Variants in ECD observed in about 807,000 individuals in gnomAD.
ECD encodes protein ecdysoneless homolog.
A neutral mutation model predicts 77.2 loss-of-function variants in ECD; 59 were observed. The observed-to-expected ratio is 0.76, with a 90% CI of 0.62 to 0.95. The LOEUF (loss-of-function observed/expected upper bound fraction) is 0.95. Ranked by LOEUF, ECD falls within the 40% of genes least tolerant of loss-of-function variation. The probability of loss-of-function intolerance (pLI) is 0.00; values close to 1 mark genes in which losing one functional copy is unlikely to be tolerated. For synonymous variants in ECD, 233 were observed against 267.4 expected (o/e 0.87, Z 1.26); for missense variants, 704 against 763.4 (o/e 0.92, Z 0.92).
At chr10:73,141,618 T>C (rs947719723) in intron 9 of ECD, 4 of 152,432 alleles carry the variant, frequency 2.6e-5, no homozygotes, top group African/African-American at 7.2e-5. Context: ...TTTTAACATC[T>C]CTGCTTCAAC....
chr10:73,156,129 A>G lies in ECD; in HGVS notation c.590+146T>C, dbSNP rs574851814. On this transcript the variant is annotated intron_variant, in intron 5 of 13. Transcript: ENST00000372979. The stretch of plus-strand genomic sequence containing the variant: ...GAAGACAAAATGAAAATTAGCATTA[A>G]TCTAGGTGAAAGGTATTTTATAGTC... 8.9e-6 allele frequency: 5 copies of G among 559,302 alleles called. No individual in the cohort carries two copies. In the South Asian group the frequency reaches 2.4e-4, roughly 26 times the overall value. The allele number at this position is 559,302 out of a possible 1,614,324, so 34.6% of individuals were successfully genotyped here.
chr10:73,147,562 A>T (rs1280596980), intron 8 of ECD, among the ~76,000 whole-genome samples: 1 of 152,132 alleles, frequency 6.6e-6, no homozygotes. Flanking sequence ...AAAAAAAAAA[A>T]ATACCATATA....
At chr10:73,151,948 T>C (rs1036298058) in intron 7 of ECD, among the ~76,000 whole-genome samples, 1 of 152,204 alleles carries the variant, frequency 6.6e-6, no homozygotes, top group Non-Finnish European at 1.5e-5. Context: ...TAGCTTCTGG[T>C]TTCAAGTCAT....
At chr10:73,138,122 G>A in intron 11 of ECD, 52 bp from the exon 12 acceptor site, 1 of 1,376,014 alleles carries the variant, frequency 7.3e-7, no homozygotes, top group African/African-American at 1.5e-5. Context: ...ACAACTCTTT[G>A]AAACTTTTCT....
chr10:73,139,640 GGGGAAGATTAGCT>G lies in ECD; in HGVS notation c.1212_1224del (p.Ala405GlnfsTer8). 1.2e-6 allele frequency: 2 copies of G among 1,608,136 alleles called. No individual in the cohort carries two copies. The highest frequency in any genetic ancestry group is 2.7e-5 in the African/African-American group (2 of 74,488). ...CTGGTCCATCACTTACCATCCTCTG[GGGGAAGATTAGCT>G]GCTTCTTTCTTAAGGTCTTCTATAT... On this transcript the variant is annotated frameshift_variant, in exon 10 of 14. Coordinates refer to ENST00000372979, the MANE Select transcript of ECD (RefSeq NM_007265.3). LOFTEE classifies it high-confidence loss of function.
chr10:73,147,038 G>T (rs1843139579), intron 8 of ECD, among the ~76,000 whole-genome samples: 1 of 151,964 alleles, frequency 6.6e-6, no homozygotes, highest in African/African-American at 2.4e-5. Context: ...ATGAGTTTGA[G>T]ACCAGCCTGG....
intron 9 of ECD, among the ~76,000 whole-genome samples, chr10:73,142,632 CAA>C (rs35853120): frequency 2.4e-4 from 18 of 74,048 alleles, no homozygotes; most frequent in African/African-American, 2.6e-4. Flanking sequence ...GACTCCATCT[CAA>C]AAAAAAAAAA....
intron 5 of ECD, among the ~76,000 whole-genome samples, chr10:73,155,287 C>T (rs1271094638): frequency 6.6e-6 from 1 of 151,948 alleles, no homozygotes; most frequent in African/African-American, 2.4e-5. Flanking sequence ...AGGATGGTCT[C>T]GATCTCTTGA....
At chr10:73,152,247 C>G (rs537884362) in intron 7 of ECD, 46 bp downstream of exon 7, 1 of 1,596,966 alleles carries the variant, frequency 6.3e-7, no homozygotes, top group Admixed American at 1.7e-5. Context: ...TATTAAGAGT[C>G]CATTTACATA....
chr10:73,140,045 C>T (rs1370144262), intron 9 of ECD, among the ~76,000 whole-genome samples: 1 of 151,786 alleles, frequency 6.6e-6, no homozygotes, highest in Non-Finnish European at 1.5e-5. Flanking sequence ...TGTGCAGTGG[C>T]GCGACCTCGG....
chr10:73,138,753 G>T (rs1321911169), intron 11 of ECD, among the ~76,000 whole-genome samples: 1 of 152,234 alleles, frequency 6.6e-6, no homozygotes, highest in East Asian at 1.9e-4. Context: ...TTTTAGTAGA[G>T]ATAGGGTTTC....
chr10:73,153,535 G>A (rs971609087), intron 6 of ECD, among the ~76,000 whole-genome samples: 15 of 151,386 alleles, frequency 9.9e-5, no homozygotes, highest in Non-Finnish European at 4.4e-5. Flanking sequence ...TCAGGAGTTC[G>A]AGACCAGTCT....
chr10:73,136,793 G>A lies in ECD; in HGVS notation c.1615C>T (p.Leu539Phe), dbSNP rs770135861. 1.9e-6 allele frequency: 3 copies of A among 1,614,072 alleles called. No individual in the cohort carries two copies. The highest frequency in any genetic ancestry group is 1.1e-5 in the South Asian group (1 of 91,086). Residue 539 changes from leucine to phenylalanine, a missense_variant, in exon 13 of 14, where the codon CTT becomes TTT. By Grantham distance (22) the Leu-to-Phe change is conservative (BLOSUM62 0). Around this residue, in one of 3 missense-constraint regions of ECD, gnomAD observed 142 missense variants for 163.6 expected, o/e 0.87. Coordinates refer to ENST00000372979, the MANE Select transcript of ECD (RefSeq NM_007265.3). The part of the protein sequence containing the change: ...PGEEASLKGT[L>F]DNLKSYMAQM... ...GCCATGTATGACTTGAGATTATCAA[G>A]TGTTCCTTTCAGGGAAGCCTCTTCG... is the stretch of plus-strand genomic sequence containing the variant.
intron 11 of ECD, among the ~76,000 whole-genome samples, 150 bp downstream of exon 11, chr10:73,139,155 ATAAG>A (rs1843015633): frequency 1.3e-5 from 2 of 152,022 alleles, no homozygotes; most frequent in African/African-American, 2.4e-5. Flanking sequence ...CTGACTTCAA[ATAAG>A]TAAGTTATCA....
chr10:73,159,461 C>G (rs1843345408), intron 3 of ECD, among the ~76,000 whole-genome samples: 1 of 152,086 alleles, frequency 6.6e-6, no homozygotes, highest in South Asian at 2.1e-4. Context: ...TTTCAAAGAT[C>G]CACAAGGAAT....
chr10:73,143,352 A>G (rs1192040467), intron 9 of ECD, among the ~76,000 whole-genome samples: 1 of 12,430 alleles, frequency 8.0e-5, no homozygotes, highest in African/African-American at 3.9e-4. Context: ...AATTTTTAGT[A>G]GAGACAGGGT....
intron 8 of ECD, among the ~76,000 whole-genome samples, chr10:73,146,665 G>A (rs373976072): frequency 5.9e-5 from 9 of 152,106 alleles, no homozygotes; most frequent in East Asian, 5.8e-4. Context: ...GGCTGGGTGC[G>A]ATGGCTCACG....
At chr10:73,135,449 T>C (rs1056590407) in intron 13 of ECD, among the ~76,000 whole-genome samples, 2 of 152,106 alleles carry the variant, frequency 1.3e-5, no homozygotes, top group African/African-American at 4.8e-5. Context: ...CTGGGAGTGG[T>C]CGCTCATGCC....
chr10:73,153,725 CAA>C (rs201711578), intron 6 of ECD, among the ~76,000 whole-genome samples: 2,573 of 40,710 alleles, frequency 0.063, 21 homozygotes, highest in African/African-American at 0.16. Context: ...GACTCTGTCT[CAA>C]AAAAAAAAAA....
Sources: allele counts gnomAD v4.1 joint callset (sites outside exome capture counted in the v4.1 genomes callset), GRCh38; gene constraint gnomAD v4.1.1; regional missense constraint gnomAD v4.1.1; transcripts MANE v1.5; gene names NCBI Gene and HGNC (gene_info 2026-07-23, HGNC 2026-07-21).